The following WDR25 variants were observed in gnomAD, a reference collection of about 807,000 sequenced individuals.
WDR25 encodes the protein WD repeat-containing protein 25.
WDR25 carries 35 observed loss-of-function variants against 47.7 expected under a neutral mutation model. The ratio of observed to expected loss-of-function variants is 0.73; its 90% CI spans 0.56 to 0.97. WDR25 has a LOEUF of 0.97. Among genes scored for constraint, WDR25 ranks in the 50% least tolerant of loss-of-function variants. WDR25 has a pLI of 0.00. For synonymous variants in WDR25, 248 were observed against 278.9 expected, an observed-to-expected ratio of 0.89 and a Z score of 1.10; for missense variants, 634 against 704.7, an observed-to-expected ratio of 0.90 and a Z score of 1.14.
intron 2 of WDR25, among the ~76,000 whole-genome samples, chr14:100,422,476 T>C (rs1898053013): frequency 6.6e-6 from 1 of 152,228 alleles, no homozygotes; most frequent in African/African-American, 2.4e-5. Context: ...GAGATTGGAC[T>C]CCACCTTCAA....
intron 2 of WDR25, among the ~76,000 whole-genome samples, chr14:100,463,020 CCTT>C (rs1899476705): frequency 1.8e-5 from 2 of 110,266 alleles, no homozygotes; most frequent in African/African-American, 7.7e-5. Context: ...TTCCTCTCCC[CCTT>C]GCTCCTTCCT....
intron 4 of WDR25, among the ~76,000 whole-genome samples, chr14:100,489,645 A>C (rs1900497870): frequency 6.6e-6 from 1 of 152,182 alleles, no homozygotes; most frequent in Admixed American, 6.5e-5. Flanking sequence ...AAAATCTAGG[A>C]CATGTGGCTC....
rs571141183 is a variant in WDR25, at chr14:100,506,911, G to C, written c.1102-18959G>C. On this transcript the variant is annotated intron_variant, in intron 4 of 6. Coordinates refer to ENST00000402312, the MANE Select transcript of WDR25 (RefSeq NM_001161476.3). The surrounding 1 kb of genome is among the most constrained non-coding windows in gnomAD (Gnocchi z 4.8). ...TTATTTTGCTGTGCAGAAGCTCTTT[G>C]GTTTAATTAGGTCCTGCTTGTTAAT... is the stretch of plus-strand genomic sequence containing the variant. 6.6e-6 allele frequency among the ~76,000 whole-genome samples: 1 copy of C among 152,028 alleles called. No homozygotes were observed. The highest frequency in any genetic ancestry group is 1.5e-5 in the Non-Finnish European group (1 of 67,960).
At chr14:100,456,097 C>T (rs1006601883) in intron 2 of WDR25, among the ~76,000 whole-genome samples, 1 of 152,142 alleles carries the variant, frequency 6.6e-6, no homozygotes, top group African/African-American at 2.4e-5. Context: ...GTGGTGCATG[C>T]CTGTAATCCC....
rs1185856970 is a variant in WDR25 at position 100,498,213 on chromosome 14, A to AC, written c.1101+14093dup. On this transcript the variant is annotated intron_variant, in intron 4 of 6. Transcript: ENST00000402312. The surrounding 1 kb of genome is among the most constrained non-coding windows in gnomAD (Gnocchi z 4.2). Reference sequence around the variant, plus strand: ...CCTGGCAGCCACAGCCTTTTCTCACACCCCTGAGGGAAGACTGCTTGGTGC... The same window carrying AC: ...CCTGGCAGCCACAGCCTTTTCTCACACCCCCTGAGGGAAGACTGCTTGGTGC... 6.6e-6 allele frequency among the ~76,000 whole-genome samples: 1 copy of AC among 151,992 alleles called. No individual in the cohort carries two copies. Among genetic ancestry groups the AC allele is most frequent in the African/African-American group, 2.4e-5 (1 of 41,378 alleles).
intron 4 of WDR25, among the ~76,000 whole-genome samples, chr14:100,495,370 A>G (rs1228536483): frequency 6.6e-6 from 1 of 152,184 alleles, no homozygotes; most frequent in East Asian, 1.9e-4. Flanking sequence ...ACAAACAAAC[A>G]AACAAAAAAA....
intron 2 of WDR25, among the ~76,000 whole-genome samples, chr14:100,429,961 C>T (rs1230060059): frequency 6.6e-6 from 1 of 152,164 alleles, no homozygotes; most frequent in Non-Finnish European, 1.5e-5. Flanking sequence ...CCAAGTGCAG[C>T]CACCTGGGGA....
chr14:100,433,976 A>G (rs148292893), intron 2 of WDR25, among the ~76,000 whole-genome samples: 7,304 of 151,874 alleles, frequency 0.048, 567 homozygotes, highest in African/African-American at 0.17. Context: ...CTGTAATCCC[A>G]GTGTTTTGGG....
chr14:100,495,216 G>A (rs939371022), intron 4 of WDR25, among the ~76,000 whole-genome samples: 2 of 152,058 alleles, frequency 1.3e-5, no homozygotes, highest in Non-Finnish European at 2.9e-5. Context: ...AATTAGCTGG[G>A]AGTGGTGGCA....
chr14:100,513,130 C>A (rs1359765253), intron 4 of WDR25, among the ~76,000 whole-genome samples: 1 of 152,030 alleles, frequency 6.6e-6, no homozygotes, highest in African/African-American at 2.4e-5. Flanking sequence ...TTTCTATATC[C>A]TTTCTGTTTT....
At chr14:100,462,341 T>C (rs1899441987) in intron 2 of WDR25, among the ~76,000 whole-genome samples, 1 of 152,270 alleles carries the variant, frequency 6.6e-6, no homozygotes, top group South Asian at 2.1e-4. Context: ...TCCTTAATTC[T>C]ATGAAGGCAG....
At chr14:100,527,064 G>A (rs917860433) in intron 5 of WDR25, among the ~76,000 whole-genome samples, 16 of 131,530 alleles carry the variant, frequency 1.2e-4, no homozygotes, top group Admixed American at 6.2e-4. Flanking sequence ...CACCATCTCC[G>A]TCACTACCAC....
intron 2 of WDR25, among the ~76,000 whole-genome samples, chr14:100,439,171 C>T (rs953760482): frequency 2.6e-5 from 4 of 152,252 alleles, no homozygotes; most frequent in Non-Finnish European, 5.9e-5. Context: ...GCAGAATACC[C>T]TCCTGGGTTA....
rs188793170 is a variant in WDR25 at position 100,385,101 on chromosome 14, G to A, written c.822+3355G>A. The stretch of plus-strand genomic sequence containing the variant: ...AAGAATTTCCTCCTTTCCTTGACTT[G>A]TGCTCATGTCTTATTTTACGTAAGT... On this transcript the variant is annotated intron_variant, in intron 2 of 6. Transcript: ENST00000402312. Among the ~76,000 whole-genome samples, 10 of 152,184 alleles carry A rather than the reference G, an allele frequency of 6.6e-5. No individual in the cohort carries two copies. In the East Asian group the frequency reaches 9.7e-4, roughly 15 times the overall value.
At position 100,500,434 on chromosome 14, in the gene WDR25, A is replaced by G. The variant is rs1487537469; in HGVS notation, c.1101+16310A>G. Reference sequence around the variant, plus strand: ...GAGAAGGAGGGGTGGGGATGGTCAGATGGAGGCATGCCGGGCACGGGGCAT... The same window carrying G: ...GAGAAGGAGGGGTGGGGATGGTCAGGTGGAGGCATGCCGGGCACGGGGCAT... On this transcript the variant is annotated intron_variant, in intron 4 of 6. Transcript: ENST00000402312. The surrounding 1 kb of genome is among the most constrained non-coding windows in gnomAD (Gnocchi z 4.7). Among the ~76,000 whole-genome samples the G allele has an allele frequency of 6.6e-6, 1 of 152,126 alleles. No individual in the cohort carries two copies. The highest frequency in any genetic ancestry group is 2.4e-5 in the African/African-American group (1 of 41,424).
At chr14:100,520,167 A>G (rs76404132) in intron 4 of WDR25, among the ~76,000 whole-genome samples, 2,666 of 150,820 alleles carry the variant, frequency 0.018, 82 homozygotes, top group African/African-American at 0.054. Flanking sequence ...AAGAACTATA[A>G]TCCAGGTGTT....
intron 4 of WDR25, among the ~76,000 whole-genome samples, chr14:100,491,268 C>T (rs1253615563): frequency 1.3e-5 from 2 of 152,232 alleles, no homozygotes; most frequent in Non-Finnish European, 2.9e-5. Flanking sequence ...CACAAGCACA[C>T]GGCCAGTTGG....
intron 5 of WDR25, among the ~76,000 whole-genome samples, chr14:100,526,516 G>A (rs914712051): frequency 1.3e-5 from 2 of 152,140 alleles, no homozygotes; most frequent in African/African-American, 4.8e-5. Context: ...CTGCTATTTA[G>A]CCTCTTTGAT....
intron 2 of WDR25, among the ~76,000 whole-genome samples, chr14:100,391,238 C>T (rs1165521206): frequency 6.6e-6 from 1 of 152,094 alleles, no homozygotes; most frequent in Admixed American, 6.6e-5. Context: ...GATAAATCGT[C>T]ACCTATATTT....
Sources: allele counts gnomAD v4.1 joint callset (sites outside exome capture counted in the v4.1 genomes callset), GRCh38; gene constraint gnomAD v4.1.1; non-coding constraint Gnocchi (gnomAD v3.1); transcripts MANE v1.5; gene names NCBI Gene and HGNC (gene_info 2026-07-23, HGNC 2026-07-21).